The following SI variants were observed in gnomAD, a reference collection of about 807,000 sequenced individuals.
SI encodes sucrase-isomaltase.
In SI, 235 loss-of-function variants were observed where a neutral mutation model predicts 253.3. The ratio of observed to expected loss-of-function variants is 0.93; its 90% confidence interval spans 0.83 to 1.03. SI has a LOEUF of 1.03. SI is among the 50% of genes least tolerant of loss of function. SI has a pLI of 0.00. For missense variants in SI, 2,442 were observed against 2,211.1 expected, an observed-to-expected ratio of 1.10 and a Z score of -2.09; for synonymous variants, 819 against 712.0, an observed-to-expected ratio of 1.15 and a Z score of -2.39.
intron 27 of SI, among the ~76,000 whole-genome samples, chr3:165,020,324 T>C (rs1711534477): frequency 6.6e-6 from 1 of 151,726 alleles, no homozygotes; most frequent in Admixed American, 6.6e-5. Flanking sequence ...AAACATATTA[T>C]TATTCAACTC....
intron 25 of SI, among the ~76,000 whole-genome samples, chr3:165,030,420 A>T (rs1712168938): frequency 6.6e-6 from 1 of 151,022 alleles, no homozygotes; most frequent in African/African-American, 2.4e-5. Flanking sequence ...AACACCAAGT[A>T]GAGTGTAACT....
intron 6 of SI, 55 bp from the exon 7 acceptor site, chr3:165,065,487 A>C: frequency 3.7e-6 from 1 of 272,376 alleles, no homozygotes; most frequent in Non-Finnish European, 6.0e-6. Flanking sequence ...ATATATATAT[A>C]TATATATGAT....
intron 13 of SI, 54 bp from the exon 14 acceptor site, chr3:165,049,929 T>C: frequency 2.8e-6 from 3 of 1,063,240 alleles, no homozygotes; most frequent in Non-Finnish European, 4.4e-6. Context: ...TAAATCCTAT[T>C]AGCAGAAACT....
In SI at chr3:165,060,728, G is replaced by GTT. The variant is rs71156879; in HGVS notation, c.1021-703_1021-702dup. ...ACATGGAAATTTGGATGTAACTGGT[G>GTT]TTTTTTTTTTCACCAGTTAGGTTAT... On this transcript the variant is annotated intron_variant, in intron 9 of 47. Transcript: ENST00000264382. Among the ~76,000 whole-genome samples, 847 of 143,206 alleles carry GTT rather than the reference G, an allele frequency of 5.9e-3. 4 individuals carry two copies. Among genetic ancestry groups the GTT allele is most frequent in the Middle Eastern group, 0.015 (4 of 268 alleles). The allele number at this position is 143,206 out of a possible 152,430, so 93.9% of individuals were successfully genotyped here.
chr3:164,994,085 AT>A (rs1395540134), intron 41 of SI, among the ~76,000 whole-genome samples, 171 bp downstream of exon 41: 2 of 151,764 alleles, frequency 1.3e-5, no homozygotes, highest in East Asian at 3.8e-4. Flanking sequence ...ATGCTAGTCT[AT>A]TTATTAATGG....
At position 165,030,866 on chromosome 3, in the gene SI, AC is replaced by A. The variant is rs777884395; in HGVS notation, c.2737del (p.Val913PhefsTer3). The A allele has an allele frequency of 5.8e-6, 8 of 1,384,004 alleles. No individual in the cohort carries two copies. Among genetic ancestry groups the A allele is most frequent in the Non-Finnish European group, 5.8e-6 (6 of 1,029,922 alleles). The allele number at this position is 1,384,004 out of a possible 1,614,324, so 85.7% of individuals were successfully genotyped here. A position where few individuals can be genotyped will look rare whatever the true frequency, so the allele number is the denominator to read the frequency against. Reference protein sequence around the residue: ...SNFTYDASNQVLLIADLKLNL... With the variant: ...SNFTYDASNQXLLIADLKLNL... The stretch of plus-strand genomic sequence containing the variant: ...AAGTTTGAGATCTGCAATTAGGAGA[AC>A]CTTTGAAGACAAAAAAAAAAAAAGA... On this transcript the variant is annotated frameshift_variant and splice_region_variant, in exon 25 of 48. Transcript: ENST00000264382. LOFTEE classifies it high-confidence loss of function.
At chr3:165,018,102 T>C in intron 28 of SI, 36 bp from the exon 29 acceptor site, 1 of 1,134,234 alleles carries the variant, frequency 8.8e-7, no homozygotes. Flanking sequence ...ATATTTTAAG[T>C]AACAATAGCA....
At chr3:164,989,233 T>C (rs1717589156) in intron 44 of SI, among the ~76,000 whole-genome samples, 3 of 150,654 alleles carry the variant, frequency 2.0e-5, no homozygotes, top group Non-Finnish European at 4.4e-5. Context: ...TAATCCCAGA[T>C]ACTTGGGAGG....
At chr3:165,056,846 G>A (rs1301349727) in intron 12 of SI, among the ~76,000 whole-genome samples, 5 of 151,472 alleles carry the variant, frequency 3.3e-5, no homozygotes, top group African/African-American at 4.9e-5. Flanking sequence ...TAGAATACCC[G>A]GAAAACCTAT....
chr3:165,079,796 T>C (rs566081640), upstream of SI, among the ~76,000 whole-genome samples: 91 of 151,808 alleles, frequency 6.0e-4, 4 homozygotes, highest in South Asian at 0.019. Flanking sequence ...AATATAGATA[T>C]AGACAGAGAT....
chr3:164,998,820 C>T lies in SI; in HGVS notation c.4407-147G>A, dbSNP rs564613831. 3.8e-5 allele frequency: 27 copies of T among 710,578 alleles called. No individual in the cohort carries two copies. In the East Asian group the frequency reaches 7.3e-4, roughly 19 times the overall value. The allele number at this position is 710,578 out of a possible 1,614,324, so 44.0% of individuals were successfully genotyped here. On this transcript the variant is annotated intron_variant, in intron 37 of 47. Transcript: ENST00000264382. The stretch of plus-strand genomic sequence containing the variant: ...AACTGGCTCTTGATAAGTTTGTCTT[C>T]TCTCATTAAATTATAAAATCCTCAA...
intron 34 of SI, among the ~76,000 whole-genome samples, chr3:165,010,239 A>G (rs1157018524): frequency 6.6e-6 from 1 of 152,096 alleles, no homozygotes; most frequent in Admixed American, 6.6e-5. Flanking sequence ...GGCTCACTGC[A>G]ACCTCTGTCT....
chr3:164,985,346 G>C (rs1717386656), intron 45 of SI, among the ~76,000 whole-genome samples: 2 of 152,140 alleles, frequency 1.3e-5, no homozygotes, highest in African/African-American at 2.4e-5. Context: ...GACACAAAGG[G>C]AAAGGCTGAA....
chr3:164,990,995 T>C (rs1429938960), intron 44 of SI, among the ~76,000 whole-genome samples: 1 of 152,136 alleles, frequency 6.6e-6, no homozygotes, highest in African/African-American at 2.4e-5. Context: ...AATATTTTTT[T>C]TGAAGCAAAT....
At chr3:165,053,633 T>G (rs1009511289) in intron 13 of SI, among the ~76,000 whole-genome samples, 1 of 152,136 alleles carries the variant, frequency 6.6e-6, no homozygotes, top group African/African-American at 2.4e-5. Context: ...TACTCTGCCT[T>G]TCTCAGATAA....
intron 10 of SI, 51 bp downstream of exon 10, chr3:165,059,851 T>C: frequency 1.3e-6 from 2 of 1,569,322 alleles, no homozygotes; most frequent in East Asian, 2.3e-5. Context: ...TCTTATTATG[T>C]GACAATATTT....
At chr3:164,987,304 G>T (rs1717485828) in intron 44 of SI, 78 bp from the exon 45 acceptor site, 1 of 1,153,204 alleles carries the variant, frequency 8.7e-7, no homozygotes. Context: ...ATCCACATAA[G>T]GATCTATAGG....
At chr3:165,043,812 A>C (rs545599483) in intron 16 of SI, among the ~76,000 whole-genome samples, 9 of 152,154 alleles carry the variant, frequency 5.9e-5, no homozygotes, top group African/African-American at 2.2e-4. Context: ...TTAACAGTAT[A>C]AATGACATGT....
At chr3:164,986,563 A>G (rs1392815505) in intron 45 of SI, among the ~76,000 whole-genome samples, 5 of 152,080 alleles carry the variant, frequency 3.3e-5, no homozygotes, top group African/African-American at 4.8e-5. Context: ...TTCCTGTTTC[A>G]TTGAACCTAA....
Sources: allele counts gnomAD v4.1 joint callset (sites outside exome capture counted in the v4.1 genomes callset), GRCh38; gene constraint gnomAD v4.1.1; transcripts MANE v1.5; gene names NCBI Gene and HGNC (gene_info 2026-07-23, HGNC 2026-07-21).